Variants in RAD51B observed in about 807,000 individuals in gnomAD.
The protein encoded by RAD51B is DNA repair protein RAD51 homolog 2.
In RAD51B, 38 loss-of-function variants were observed where a neutral mutation model predicts 42.2. The ratio of observed to expected loss-of-function variants is 0.90; its 90% CI spans 0.70 to 1.18. The LOEUF is 1.18. RAD51B is among the 50% of genes most tolerant of loss of function. The pLI is 0.00. For missense variants in RAD51B, 373 were observed against 400.7 expected (o/e 0.93, Z 0.59); for synonymous variants, 154 against 145.2 (o/e 1.06, Z -0.43).
chr14:68,353,470 G>A (rs547662506), intron 8 of RAD51B, among the ~76,000 whole-genome samples: 1 of 152,286 alleles, frequency 6.6e-6, no homozygotes, highest in Non-Finnish European at 1.5e-5. Flanking sequence ...GGGAAGTGCT[G>A]GAATATCAGG....
At chr14:68,475,250 C>A (rs554408266) in intron 10 of RAD51B, among the ~76,000 whole-genome samples, 1 of 152,284 alleles carries the variant, frequency 6.6e-6, no homozygotes, top group South Asian at 2.1e-4. Flanking sequence ...TTCGGGATTT[C>A]TGTTATCATG....
intron 7 of RAD51B, among the ~76,000 whole-genome samples, chr14:68,106,982 CAA>C (rs1297944962): frequency 1.3e-5 from 2 of 151,806 alleles, no homozygotes; most frequent in Admixed American, 6.6e-5. Context: ...AGAAGGAGAA[CAA>C]AGTTTTCAGC....
chr14:67,838,869 C>T (rs1378470835), intron 4 of RAD51B, among the ~76,000 whole-genome samples: 1 of 149,850 alleles, frequency 6.7e-6, no homozygotes, highest in Non-Finnish European at 1.5e-5. Flanking sequence ...AAAGAACTTT[C>T]CTCCATTTCC....
intron 8 of RAD51B, among the ~76,000 whole-genome samples, chr14:68,400,906 T>C (rs2084085739): frequency 6.6e-6 from 1 of 152,218 alleles, no homozygotes. Context: ...GATTTTTTTT[T>C]TCCTTTCCTT....
At chr14:68,170,233 C>T (rs2078844044) in intron 7 of RAD51B, among the ~76,000 whole-genome samples, 2 of 152,168 alleles carry the variant, frequency 1.3e-5, no homozygotes, top group Admixed American at 1.3e-4. Flanking sequence ...AGCATTCTCT[C>T]TAGAGTTTAG....
intron 11 of RAD51B, among the ~76,000 whole-genome samples, chr14:68,655,306 C>T (rs1056691251): frequency 9.9e-5 from 15 of 152,060 alleles, no homozygotes; most frequent in African/African-American, 3.4e-4. Flanking sequence ...TGAGCAGGTT[C>T]ACAGCTGCTC....
In RAD51B at chr14:68,241,415, G is replaced by A. The variant is rs374600279; in HGVS notation, c.757-50469G>A. On this transcript the variant is annotated intron_variant, in intron 7 of 10. Transcript: ENST00000471583. Reference sequence around the variant, plus strand: ...AAATTAGCTGGGTATGGTGGCGGGCGCCTGTGGTCCCAGCTACTCGGGAGG... The same window carrying A: ...AAATTAGCTGGGTATGGTGGCGGGCACCTGTGGTCCCAGCTACTCGGGAGG... Among the ~76,000 whole-genome samples the A allele has an allele frequency of 2.9e-4, 44 of 152,146 alleles. No homozygotes were observed. In the East Asian group the frequency reaches 7.8e-3, roughly 27 times the overall value.
chr14:68,427,827 G>A (rs1419198843), intron 9 of RAD51B, among the ~76,000 whole-genome samples: 6 of 152,138 alleles, frequency 3.9e-5, no homozygotes, highest in Non-Finnish European at 8.8e-5. Context: ...TGGGGGGCTG[G>A]GGCCAGAATG....
intron 8 of RAD51B, among the ~76,000 whole-genome samples, chr14:68,324,219 T>G (rs3784111): frequency 0.083 from 12,660 of 152,222 alleles, 887 homozygotes; most frequent in East Asian, 0.4. Context: ...TAAAGTCCAC[T>G]CAGTGTTAGA....
intron 7 of RAD51B, among the ~76,000 whole-genome samples, chr14:67,932,867 C>A (rs1222356673): frequency 6.6e-6 from 1 of 152,210 alleles, no homozygotes; most frequent in East Asian, 1.9e-4. Flanking sequence ...TTACTACTTA[C>A]AGCCCCAGAC....
chr14:68,104,189 G>T (rs927990108), intron 7 of RAD51B, among the ~76,000 whole-genome samples: 2 of 152,170 alleles, frequency 1.3e-5, no homozygotes, highest in Non-Finnish European at 2.9e-5. Context: ...TTTAGTGCCA[G>T]TTCAGGCTTA....
intron 7 of RAD51B, among the ~76,000 whole-genome samples, chr14:68,269,747 T>A (rs909722746): frequency 1.3e-5 from 2 of 152,220 alleles, no homozygotes; most frequent in African/African-American, 4.8e-5. Flanking sequence ...CAACGCCTGT[T>A]CCCCAGCGGT....
chr14:68,398,462 G>T (rs1447948259), intron 8 of RAD51B, among the ~76,000 whole-genome samples: 1 of 152,102 alleles, frequency 6.6e-6, no homozygotes. Context: ...AGCAATGCAG[G>T]TCAAGGAGCA....
At chr14:67,827,285 G>A (rs1050173162) in intron 3 of RAD51B, among the ~76,000 whole-genome samples, 4 of 152,138 alleles carry the variant, frequency 2.6e-5, no homozygotes, top group Admixed American at 6.5e-5. Flanking sequence ...CATATTTCCC[G>A]TTAATAAATA....
chr14:68,029,656 C>G (rs535699654), intron 7 of RAD51B, among the ~76,000 whole-genome samples: 5 of 152,284 alleles, frequency 3.3e-5, no homozygotes, highest in African/African-American at 4.8e-5. Flanking sequence ...TAATGCATGA[C>G]AGCTGGAATC....
intron 10 of RAD51B, among the ~76,000 whole-genome samples, chr14:68,551,722 TTAA>T (rs1280408190): frequency 6.6e-6 from 1 of 152,266 alleles, no homozygotes; most frequent in South Asian, 2.1e-4. Flanking sequence ...TGTGATATCC[TTAA>T]TAATAATAAT....
intron 8 of RAD51B, among the ~76,000 whole-genome samples, chr14:68,385,061 A>G (rs563114734): frequency 2.0e-5 from 3 of 152,204 alleles, no homozygotes; most frequent in East Asian, 1.9e-4. Flanking sequence ...CTCAATTGCC[A>G]TCTGCCTCTG....
intron 4 of RAD51B, among the ~76,000 whole-genome samples, chr14:67,839,168 A>G (rs1378658591): frequency 6.6e-6 from 1 of 152,104 alleles, no homozygotes; most frequent in Non-Finnish European, 1.5e-5. Flanking sequence ...CTTTGTCTGA[A>G]TTAGTATTTA....
At chr14:67,841,830 A>C (rs2041440111) in intron 4 of RAD51B, among the ~76,000 whole-genome samples, 1 of 152,140 alleles carries the variant, frequency 6.6e-6, no homozygotes, top group South Asian at 2.1e-4. Context: ...GTTTGAAGTC[A>C]GGTAGTGTGA....
Sources: allele counts gnomAD v4.1 joint callset (sites outside exome capture counted in the v4.1 genomes callset), GRCh38; gene constraint gnomAD v4.1.1; transcripts MANE v1.5; gene names NCBI Gene and HGNC (gene_info 2026-07-23, HGNC 2026-07-21).